The following PKLR variants were observed in gnomAD, a reference collection of about 807,000 sequenced individuals.
The protein encoded by PKLR is pyruvate kinase L/R.
Under a neutral mutation model 53.6 loss-of-function variants are expected in PKLR, and 38 were observed. That is an observed-to-expected ratio of 0.71 (90% confidence interval 0.55 to 0.93). PKLR has a LOEUF of 0.93. Among genes scored for constraint, PKLR ranks in the 40% least tolerant of loss-of-function variants. PKLR has a pLI of 0.00. For missense variants in PKLR, 702 were observed against 787.3 expected (o/e 0.89, Z 1.30); for synonymous variants, 328 against 316.2 (o/e 1.04, Z -0.39).
At chr1:155,308,044 G>A in the PKLR span, among the ~76,000 whole-genome samples, 1 of 149,676 alleles carries the variant, frequency 6.7e-6, no homozygotes, top group Non-Finnish European at 1.5e-5. Flanking sequence ...AATTACAAGT[G>A]TGAGACTCAT....
the PKLR span, among the ~76,000 whole-genome samples, chr1:155,307,944 T>G: frequency 2.0e-5 from 3 of 152,190 alleles, no homozygotes; most frequent in South Asian, 6.2e-4. Context: ...ACCTGGGTAA[T>G]TTTTGTATTT....
chr1:155,296,350 T>C lies in PKLR; in HGVS notation c.284-594A>G, dbSNP rs375629758. On this transcript the variant is annotated intron_variant, in intron 2 of 10. Coordinates refer to ENST00000342741, the MANE Select transcript of PKLR (RefSeq NM_000298.6). ...GTTTTCCTTTTCTTTTTCTTTCTTT[T>C]TTTTTGAGACGGGGGGAGTTTCACT... Among the ~76,000 whole-genome samples the C allele has an allele frequency of 3.3e-5, 5 of 152,278 alleles. No homozygotes were observed. In the East Asian group the frequency reaches 7.7e-4, roughly 24 times the overall value.
At chr1:155,307,373 C>G in the PKLR span, among the ~76,000 whole-genome samples, 1 of 152,334 alleles carries the variant, frequency 6.6e-6, no homozygotes, top group African/African-American at 2.4e-5. Context: ...GCAACTCCAT[C>G]TTGAATAGGG....
chr1:155,297,531 C>T (rs115499949), intron 2 of PKLR, among the ~76,000 whole-genome samples: 270 of 152,260 alleles, frequency 1.8e-3, no homozygotes, highest in African/African-American at 6.2e-3. Flanking sequence ...ACCTCACTGC[C>T]GCCAACTGGT....
Position 155,300,137 on chromosome 1 carries a change from G to T in PKLR, c.244C>A (p.Pro82Thr). 6.2e-7 allele frequency: 1 copy of T among 1,613,996 alleles called. No individual in the cohort carries two copies. The highest frequency in any genetic ancestry group is 8.5e-7 in the Non-Finnish European group (1 of 1,180,030). ...HLCLLDIDSE[P>T]VAARSTSIIA... is the part of the protein sequence containing the mutation. ...ATGCTGGTACTGCGAGCAGCCACGG[G>T]CTCGGAGTCAATGTCCAGTAGGCAG... Residue 82 changes from proline to threonine, a missense_variant, in exon 2 of 11, where the codon CCC becomes ACC. Physicochemically the swap from Pro to Thr is conservative, Grantham distance 38. Around this residue, in one of 2 missense-constraint regions of PKLR, gnomAD observed 519 missense variants for 537.1 expected, o/e 0.97. Coordinates refer to ENST00000342741, the MANE Select transcript of PKLR (RefSeq NM_000298.6).
Position 155,295,468 on chromosome 1 carries a change from C to A in PKLR, c.476G>T (p.Gly159Val), listed in dbSNP as rs1239029841. The A allele has an allele frequency of 1.9e-6, 3 of 1,608,776 alleles. No individual in the cohort carries two copies. Among genetic ancestry groups the A allele is most frequent in the African/African-American group, 1.3e-5 (1 of 74,822 alleles). ...RPVAIALDTK[G>V]PEIRTGILQG... is the part of the protein sequence containing the mutation. ...CAGGATCCCAGTGCGGATCTCCGGT[C>A]CCTTGGTGTCCAGGGCGATGGCCAC... Residue 159 changes from glycine to valine, a missense_variant, in exon 4 of 11, where the codon GGA (glycine) becomes GTA (valine). Gly to Val is a moderately radical substitution (Grantham distance 109, BLOSUM62 -3). Transcript: ENST00000342741. This position sits in a 1 kb window ranked among gnomAD's most constrained non-coding sequence, Gnocchi z 4.3.
At position 155,294,300 on chromosome 1, in the gene PKLR, G is replaced by C. The variant is rs1341339479; in HGVS notation, c.1051C>G (p.Leu351Val). The C allele has an allele frequency of 8.1e-6, 13 of 1,614,146 alleles. No homozygotes were observed. Among genetic ancestry groups the C allele is most frequent in the Non-Finnish European group, 1.1e-5 (13 of 1,180,026 alleles). Reference sequence around the variant, plus strand: ...CGCCCAATCATCATCTTCTGAGCCAGGAAAACCTTCTCTGCTGGGATCTCG... The same window carrying C: ...CGCCCAATCATCATCTTCTGAGCCACGAAAACCTTCTCTGCTGGGATCTCG... Reference protein sequence around the residue: ...GIEIPAEKVFLAQKMMIGRCN... With the variant: ...GIEIPAEKVFVAQKMMIGRCN... Residue 351 changes from leucine (L) to valine (V), a missense_variant, in exon 7 of 11, where the codon CTG becomes GTG. By Grantham distance (32) the Leu-to-Val change is conservative. Around this residue, in one of 2 missense-constraint regions of PKLR, gnomAD observed 519 missense variants for 537.1 expected, o/e 0.97. Coordinates refer to ENST00000342741, the MANE Select transcript of PKLR (RefSeq NM_000298.6).
chr1:155,304,988 C>T (rs1214118521), upstream of PKLR, among the ~76,000 whole-genome samples: 2 of 152,142 alleles, frequency 1.3e-5, no homozygotes, highest in African/African-American at 4.8e-5. Context: ...GACGGCTTTG[C>T]ACAGTGGCGT....
Position 155,294,325 on chromosome 1 carries a change from G to C in PKLR, c.1026C>G (p.Ile342Met). The C allele has an allele frequency of 6.2e-7, 1 of 1,614,096 alleles. No individual in the cohort carries two copies. The change falls in exon 7 of 11, where the codon ATC becomes ATG. Residue 342 changes from isoleucine to methionine, a missense_variant. Ile to Met is a conservative substitution (Grantham distance 10). This residue lies in a region of PKLR where 519 missense variants were observed against 537.1 expected (regional missense o/e 0.97). Coordinates refer to ENST00000342741, the MANE Select transcript of PKLR (RefSeq NM_000298.6). ...GGAAAACCTTCTCTGCTGGGATCTC[G>C]ATGCCTAGGTCCCCCCGTGCCACCA... is the stretch of plus-strand genomic sequence containing the variant. ...GIMVARGDLG[I>M]EIPAEKVFLA...
intron 9 of PKLR, 112 bp from the exon 10 acceptor site, chr1:155,292,049 A>G: frequency 2.0e-6 from 2 of 990,382 alleles, no homozygotes; most frequent in South Asian, 2.8e-5. Context: ...ACCCTGGGTA[A>G]GTCATCATAC....
intron 2 of PKLR, among the ~76,000 whole-genome samples, chr1:155,299,785 C>A (rs1334594093): frequency 1.3e-5 from 2 of 152,132 alleles, no homozygotes; most frequent in African/African-American, 4.8e-5. Flanking sequence ...CGATTACAGG[C>A]ATGAGCCACC....
Position 155,295,441 on chromosome 1 carries a change from T to TG in PKLR, c.502dup (p.Gln168ProfsTer53). ...AGTCCCAGCCCCACTGCTCACCCCC[T>TG]GCAGGATCCCAGTGCGGATCTCCGG... On this transcript the variant is annotated frameshift_variant, in exon 4 of 11. Transcript: ENST00000342741. LOFTEE classifies it high-confidence loss of function. The surrounding 1 kb of genome is among the most constrained non-coding windows in gnomAD (Gnocchi z 4.3). 1.2e-6 allele frequency: 2 copies of TG among 1,609,744 alleles called. No homozygotes were observed. The highest frequency in any genetic ancestry group is 1.7e-6 in the Non-Finnish European group (2 of 1,178,092).
At chr1:155,298,961 T>C (rs868824108) in intron 2 of PKLR, among the ~76,000 whole-genome samples, 1 of 39,702 alleles carries the variant, frequency 2.5e-5, no homozygotes, top group East Asian at 2.1e-3. Context: ...CTCCTTTCTT[T>C]CTTTCTTTCT....
At chr1:155,294,456 G>C (rs746393640) in intron 6 of PKLR, 26 bp downstream of exon 6, 3 of 1,614,212 alleles carry the variant, frequency 1.9e-6, no homozygotes, top group Non-Finnish European at 2.5e-6. Context: ...CGACAGGGCC[G>C]AAGGGGAACA....
intron 10 of PKLR, 125 bp downstream of exon 10, chr1:155,291,631 A>ACT (rs1201097509): frequency 1.2e-6 from 1 of 811,254 alleles, no homozygotes; most frequent in Non-Finnish European, 2.2e-6. Flanking sequence ...AGTCTTAGTG[A>ACT]CTCTCACAGG....
At position 155,291,860 on chromosome 1, in the gene PKLR, T is replaced by C. The variant is rs1336765862; in HGVS notation, c.1514A>G (p.Gln505Arg). 2 of 1,613,964 alleles carry C rather than the reference T, an allele frequency of 1.2e-6. No homozygotes were observed. Among genetic ancestry groups the C allele is most frequent in the African/African-American group, 2.7e-5 (2 of 74,908 alleles). ...AVTRSAQAARQVHLCRGVFPL... is the reference protein window; with the variant it reads ...AVTRSAQAARRVHLCRGVFPL... Reference sequence around the variant, plus strand: ...GAAGACTCCTCGGCATAAGTGGACCTGGCGGGCAGCCTGGGCAGAGCGGGT... The same window carrying C: ...GAAGACTCCTCGGCATAAGTGGACCCGGCGGGCAGCCTGGGCAGAGCGGGT... Residue 505 changes from glutamine to arginine, a missense_variant, in exon 10 of 11, where the codon CAG (glutamine) becomes CGG (arginine). Transcript: ENST00000342741.
intron 2 of PKLR, among the ~76,000 whole-genome samples, chr1:155,298,953 C>CTTT (rs1553231289): frequency 7.7e-5 from 8 of 103,804 alleles, no homozygotes; most frequent in Admixed American, 6.3e-4. Context: ...AACTTTCACT[C>CTTT]CTTTCTTTCT....
rs747097960 is a variant in PKLR, at chr1:155,294,336, C to G, written c.1015G>C (p.Asp339His). ...TCTGCTGGGATCTCGATGCCTAGGT[C>G]CCCCCGTGCCACCATGATGCCGTCG... is the stretch of plus-strand genomic sequence containing the variant. ...VSDGIMVARGDLGIEIPAEKV... is the reference protein window; with the variant it reads ...VSDGIMVARGHLGIEIPAEKV... Residue 339 changes from aspartate to histidine, a missense_variant, in exon 7 of 11, where the codon GAC becomes CAC. Transcript: ENST00000342741. The G allele has an allele frequency of 1.2e-6, 2 of 1,614,002 alleles. No homozygotes were observed. Among genetic ancestry groups the G allele is most frequent in the Non-Finnish European group, 8.5e-7 (1 of 1,179,938 alleles).
At chr1:155,297,895 C>T (rs1432692191) in intron 2 of PKLR, among the ~76,000 whole-genome samples, 1 of 152,122 alleles carries the variant, frequency 6.6e-6, no homozygotes, top group Non-Finnish European at 1.5e-5. Flanking sequence ...ATTCTCTCAT[C>T]TCCTTCAAGT....
Sources: gnomAD v4.1 joint callset for allele counts (sites outside exome capture counted in the v4.1 genomes callset) on GRCh38, gnomAD v4.1.1 for gene constraint, gnomAD v4.1.1 regional missense constraint, Gnocchi (gnomAD v3.1) non-coding constraint, MANE v1.5 for transcripts, NCBI Gene and HGNC (gene_info 2026-07-23, HGNC 2026-07-21) for gene names.